TENM1: variants seen among roughly 807,000 people sequenced by gnomAD.
The protein encoded by TENM1 is teneurin transmembrane protein 1.
TENM1 carries 35 observed loss-of-function variants against 174.8 expected under a neutral mutation model. The observed-to-expected ratio is 0.20, with a 90% CI of 0.15 to 0.27. The LOEUF is 0.27. Among genes scored for constraint, TENM1 ranks in the 10% least tolerant of loss-of-function variants. The pLI, the probability that TENM1 is intolerant of heterozygous loss-of-function variation, is 1.00. For synonymous variants in TENM1, 781 were observed against 798.7 expected (o/e 0.98, Z 0.37); for missense variants, 1,633 against 2,130.1 (o/e 0.77, Z 4.59).
intron 3 of TENM1, among the ~76,000 whole-genome samples, chrX:124,822,784 C>T (rs2056068971): frequency 8.9e-6 from 1 of 111,751 alleles, no homozygotes; most frequent in African/African-American, 3.3e-5. Context: ...GTCTATAATC[C>T]AGTGTTGCAG....
At chrX:124,525,331 G>A (rs1465867039) in intron 16 of TENM1, among the ~76,000 whole-genome samples, 2 of 112,369 alleles carry the variant, frequency 1.8e-5, no homozygotes, top group Non-Finnish European at 3.8e-5. Flanking sequence ...TATGGTTTAA[G>A]ACAGAGGGTC....
At chrX:124,523,717 T>C in intron 16 of TENM1, 92 bp from the exon 20 acceptor site, 2 of 897,853 alleles carry the variant, frequency 2.2e-6, no homozygotes, top group African/African-American at 2.0e-5. Context: ...CCTTTCCTTT[T>C]TGGGGGGACT....
At chrX:124,640,368 G>A (rs2050983430) in intron 11 of TENM1, among the ~76,000 whole-genome samples, 1 of 111,178 alleles carries the variant, frequency 9.0e-6, no homozygotes, top group African/African-American at 3.3e-5. Context: ...TTACGGTGTA[G>A]GATCACAGAC....
intron 15 of TENM1, among the ~76,000 whole-genome samples, chrX:124,538,757 T>C (rs2048258573): frequency 8.9e-6 from 1 of 112,128 alleles, no homozygotes; most frequent in Non-Finnish European, 1.9e-5. Context: ...CTGGGGTTAC[T>C]CGTAGATAGA....
intron 23 of TENM1, among the ~76,000 whole-genome samples, chrX:124,452,671 C>G (rs1265282101): frequency 9.0e-6 from 1 of 111,015 alleles, no homozygotes; most frequent in Non-Finnish European, 1.9e-5. Context: ...ACATATACAC[C>G]ATGGAATACT....
the TENM1 span, among the ~76,000 whole-genome samples, chrX:125,020,599 G>A: frequency 2.7e-5 from 3 of 109,191 alleles, no homozygotes; most frequent in Non-Finnish European, 3.8e-5. Context: ...GAGTAATTAG[G>A]ATAAAACTTA....
chrX:125,129,670 T>C, the TENM1 span, among the ~76,000 whole-genome samples: 1 of 110,418 alleles, frequency 9.1e-6, no homozygotes, highest in Admixed American at 9.7e-5. Context: ...AATTTTTAGC[T>C]CCTAGAAATA....
At position 124,675,281 on chromosome X, in the gene TENM1, A is replaced by G. The variant is rs188858400; in HGVS notation, c.1016-3446T>C. Among the ~76,000 whole-genome samples the G allele has an allele frequency of 7.2e-3, 810 of 111,744 alleles. 13 individuals are homozygous for G. Among genetic ancestry groups the G allele is most frequent in the African/African-American group, 0.023 (704 of 30,825 alleles). ...TACTGGCCTTTTATTTCTTCCAAAC[A>G]TAGGTACTGGCCAACCAAAATGGCT... On this transcript the variant is annotated intron_variant, in intron 5 of 31. Transcript: ENST00000422452.
At chrX:124,562,045 A>G (rs1259405493) in intron 13 of TENM1, among the ~76,000 whole-genome samples, 1 of 112,111 alleles carries the variant, frequency 8.9e-6, no homozygotes, top group Admixed American at 9.5e-5. Flanking sequence ...ATTAATGCTA[A>G]CCCCAATTCC....
intron 5 of TENM1, among the ~76,000 whole-genome samples, chrX:124,675,923 C>CA (rs748912202): frequency 3.7e-5 from 4 of 107,750 alleles, no homozygotes; most frequent in African/African-American, 1.0e-4. Flanking sequence ...AAGAATCTTC[C>CA]AGGCAGACAA....
Position 124,481,695 on chromosome X carries a change from G to GTATATATATATATATATATA in TENM1, c.3949+36_3949+37insTATATATATATATATATATA, listed in dbSNP as rs761348190. On this transcript the variant is annotated intron_variant, in intron 22 of 31. Coordinates refer to ENST00000422452, the Ensembl canonical transcript of TENM1. ...AATAAAATCTTTAGATGACCCAAGG[G>GTATATATATATATATATATA]TATATATATATATATATTTATTTAT... 42 of 263,918 alleles carry GTATATATATATATATATATA rather than the reference G, an allele frequency of 1.6e-4. 1 individual carries two copies. The highest frequency in any genetic ancestry group is 3.0e-4 in the Admixed American group (4 of 13,339). 21.7% of individuals were successfully genotyped at this position (263,918 alleles called of 1,213,427 possible).
the TENM1 span, among the ~76,000 whole-genome samples, chrX:125,062,724 G>A: frequency 9.0e-6 from 1 of 111,629 alleles, no homozygotes; most frequent in Non-Finnish European, 1.9e-5. Context: ...TTATGTTTCT[G>A]GGCCCTCATG....
At chrX:125,102,821 A>T in the TENM1 span, among the ~76,000 whole-genome samples, 1 of 112,098 alleles carries the variant, frequency 8.9e-6, no homozygotes, top group Non-Finnish European at 1.9e-5. Context: ...CATTGCCTCT[A>T]TTTCAGGTCT....
chrX:125,097,053 G>A, the TENM1 span, among the ~76,000 whole-genome samples: 1 of 111,092 alleles, frequency 9.0e-6, no homozygotes, highest in Non-Finnish European at 1.9e-5. Context: ...GAGCTGCCAT[G>A]TAACAGTGCA....
At chrX:124,616,845 C>A (rs1210289032) in intron 11 of TENM1, among the ~76,000 whole-genome samples, 1 of 111,470 alleles carries the variant, frequency 9.0e-6, no homozygotes, top group Non-Finnish European at 1.9e-5. Context: ...TAGAGAACTA[C>A]AGCAATTCAA....
intron 25 of TENM1, among the ~76,000 whole-genome samples, chrX:124,407,327 G>T (rs2147685093): frequency 9.0e-6 from 1 of 110,732 alleles, no homozygotes; most frequent in East Asian, 2.8e-4. Flanking sequence ...ATTGCCAATA[G>T]AACCATGAAA....
chrX:124,854,847 AG>A (rs1236282787), intron 3 of TENM1, among the ~76,000 whole-genome samples: 27 of 112,190 alleles, frequency 2.4e-4, no homozygotes, highest in Non-Finnish European at 4.5e-4. Flanking sequence ...CCAGGCAAGT[AG>A]GAAAAACTTA....
intron 3 of TENM1, among the ~76,000 whole-genome samples, chrX:124,816,971 G>A (rs911386618): frequency 1.5e-4 from 17 of 110,237 alleles, no homozygotes; most frequent in Admixed American, 8.7e-4. Flanking sequence ...TACGTGCCAT[G>A]GTGGTTTGCT....
chrX:124,535,322 G>A (rs758341712), intron 15 of TENM1, among the ~76,000 whole-genome samples: 1 of 111,424 alleles, frequency 9.0e-6, no homozygotes, highest in African/African-American at 3.3e-5. Flanking sequence ...GGAGGCAGAA[G>A]GTATAAACCA....
Sources: allele counts gnomAD v4.1 joint callset (sites outside exome capture counted in the v4.1 genomes callset), GRCh38; gene constraint gnomAD v4.1.1; transcripts MANE v1.5; gene names NCBI Gene and HGNC (gene_info 2026-07-23, HGNC 2026-07-21).